Variants in CEP68 observed in about 807,000 individuals in gnomAD.
CEP68 encodes the protein centrosomal protein of 68 kDa.
Under a neutral mutation model 55.3 loss-of-function variants are expected in CEP68, and 26 were observed. That is an observed-to-expected ratio of 0.47 (90% CI 0.34 to 0.65). The LOEUF (loss-of-function observed/expected upper bound fraction) is 0.65. Ranked by LOEUF, CEP68 falls within the 30% of genes least tolerant of loss-of-function variation. CEP68 has a pLI of 0.01. For synonymous variants in CEP68, 402 were observed against 383.2 expected, an observed-to-expected ratio of 1.05 and a Z score of -0.57; for missense variants, 957 against 946.7, an observed-to-expected ratio of 1.01 and a Z score of -0.14.
chr2:65,078,035 AT>A, intron 5 of CEP68, 71 bp downstream of exon 5: 1 of 1,142,820 alleles, frequency 8.8e-7, no homozygotes, highest in Non-Finnish European at 1.3e-6. Flanking sequence ...GGACCGCACT[AT>A]CCCTGGTAAG....
rs182870119 is a variant in CEP68, at chr2:65,084,128, T to C, written c.*494T>C. 9 of 152,302 alleles carry C rather than the reference T, an allele frequency of 5.9e-5. No individual in the cohort carries two copies. The highest frequency in any genetic ancestry group is 5.2e-4 in the Admixed American group (8 of 15,294). 9.4% of individuals were successfully genotyped at this position (152,302 alleles called of 1,614,324 possible). On this transcript the variant is annotated 3_prime_UTR_variant, in exon 7 of 7. Transcript: ENST00000377990. ...GTCAATCCCTCTTTAAAGATATAGG[T>C]AGAAAGAAGAGATTTTTAACCCTTT... is the stretch of plus-strand genomic sequence containing the variant.
chr2:65,068,088 T>A (rs1026657585), intron 1 of CEP68, among the ~76,000 whole-genome samples: 3 of 152,188 alleles, frequency 2.0e-5, no homozygotes, highest in African/African-American at 7.2e-5. Flanking sequence ...ACAAGGCCAT[T>A]TCTGCCCACA....
Position 65,072,787 on chromosome 2 carries a change from G to A in CEP68, c.1691G>A (p.Arg564His), listed in dbSNP as rs371431891. The change falls in exon 3 of 7, where the codon CGT becomes CAT. Residue 564 changes from arginine (R) to histidine (H), a missense_variant. Coordinates refer to ENST00000377990, the MANE Select transcript of CEP68 (RefSeq NM_015147.3). ...QNPCFLRSFVRAHDSAGEGSL... is the reference protein window; with the variant it reads ...QNPCFLRSFVHAHDSAGEGSL... ...CCCTGTTTCCTGCGCTCCTTCGTCCGTGCCCACGACTCCGCAGGGGAAGGC... is the reference window on the plus strand; with the variant it reads ...CCCTGTTTCCTGCGCTCCTTCGTCCATGCCCACGACTCCGCAGGGGAAGGC... 43 of 1,614,002 alleles carry A rather than the reference G, an allele frequency of 2.7e-5. No homozygotes were observed. In the Admixed American group the frequency reaches 3.8e-4, roughly 14 times the overall value.
At chr2:65,065,097 C>T (rs936709737) in intron 1 of CEP68, among the ~76,000 whole-genome samples, 1 of 152,224 alleles carries the variant, frequency 6.6e-6, no homozygotes. Flanking sequence ...TTCGTTTCCC[C>T]ATCTGTGACG....
At chr2:65,067,073 A>G (rs1459987724) in intron 1 of CEP68, among the ~76,000 whole-genome samples, 1 of 151,632 alleles carries the variant, frequency 6.6e-6, no homozygotes, top group Non-Finnish European at 1.5e-5. Context: ...TGCTACTTTT[A>G]TGTAAAAAAA....
intron 1 of CEP68, among the ~76,000 whole-genome samples, chr2:65,064,620 G>A (rs1171591113): frequency 6.6e-6 from 1 of 151,754 alleles, no homozygotes; most frequent in Non-Finnish European, 1.5e-5. Context: ...TGTAGTCCCA[G>A]CTACTCGGGA....
rs747138606 is a variant in CEP68 at position 65,072,535 on chromosome 2, A to G, written c.1439A>G (p.Asp480Gly). ...TCAGAAGAGGAAGTGGAAAGTGATG[A>G]CGAGTATCTTGCCCTCCCCGCTCGG... is the stretch of plus-strand genomic sequence containing the variant. ...WKSEEEVESD[D>G]EYLALPARLT... Residue 480 changes from aspartate (D) to glycine (G), a missense_variant, in exon 3 of 7, where the codon GAC (aspartate) becomes GGC (glycine). Transcript: ENST00000377990. The G allele has an allele frequency of 1.9e-6, 3 of 1,613,888 alleles. No individual in the cohort carries two copies. The East Asian group carries it at 6.7e-5, about 36-fold the overall frequency.
At chr2:65,062,196 G>A (rs1675942368) in intron 1 of CEP68, among the ~76,000 whole-genome samples, 1 of 152,174 alleles carries the variant, frequency 6.6e-6, no homozygotes, top group Non-Finnish European at 1.5e-5. Flanking sequence ...AGCTCCCTGG[G>A]CAAAGTTGGT....
chr2:65,074,754 A>T (rs1359286902), intron 4 of CEP68: 4 of 286,288 alleles, frequency 1.4e-5, no homozygotes, highest in African/African-American at 9.0e-5. Flanking sequence ...AGCCTGAGCA[A>T]CATAGCAAGA....
chr2:65,080,883 A>T (rs1676979115), intron 5 of CEP68, among the ~76,000 whole-genome samples: 1 of 152,104 alleles, frequency 6.6e-6, no homozygotes, highest in Admixed American at 6.5e-5. Context: ...TTTCTGTGAC[A>T]TCGCACAAGA....
At chr2:65,071,291 G>A (rs1676445481) in intron 2 of CEP68, 163 bp from the exon 3 acceptor site, 1 of 613,312 alleles carries the variant, frequency 1.6e-6, no homozygotes, top group East Asian at 2.7e-5. Context: ...GCTGCTGCTG[G>A]CAGTGCATAT....
At position 65,082,700 on chromosome 2, in the gene CEP68, G is replaced by T. The variant is rs373667566; in HGVS notation, c.2269G>T (p.Val757Phe). 1.9e-6 allele frequency: 3 copies of T among 1,567,520 alleles called. No homozygotes were observed. The highest frequency in any genetic ancestry group is 2.8e-5 in the African/African-American group (2 of 71,996). ...GGCAATGGAGCACCCATGTGAAGGG[G>T]TTTAACCTGGTAAGTGGAGGAACTC... Reference protein sequence around the residue: ...MAAMEHPCEGV With the variant: ...MAAMEHPCEGF The change falls in exon 6 of 7, where the codon GTT (valine) becomes TTT (phenylalanine). Residue 757 changes from valine to phenylalanine, a missense_variant. Transcript: ENST00000377990.
At position 65,069,498 on chromosome 2, in the gene CEP68, C is replaced by T; in HGVS notation, c.54C>T (p.Ala18=). 1 of 1,554,318 alleles carries T rather than the reference C, an allele frequency of 6.4e-7. No homozygotes were observed. Among genetic ancestry groups the T allele is most frequent in the Non-Finnish European group, 8.7e-7 (1 of 1,149,622 alleles). The change falls in exon 2 of 7, where the codon GCC becomes GCT. Residue 18 remains alanine, a synonymous_variant. Transcript: ENST00000377990. ...CGGAAGCATCTGAAGACACAAAGGC[C>T]CAGTCCTATGGGAGAGGGAGCTGCA... The part of the protein sequence containing the change: ...AEAEASEDTK[A]QSYGRGSCRE...
intron 5 of CEP68, among the ~76,000 whole-genome samples, chr2:65,078,881 G>A (rs17029820): frequency 1.3e-5 from 2 of 152,152 alleles, no homozygotes; most frequent in Non-Finnish European, 2.9e-5. Flanking sequence ...CCCCATTTAG[G>A]AAAGTGAAAA....
At chr2:65,081,979 C>T (rs898219204) in intron 5 of CEP68, among the ~76,000 whole-genome samples, 23 of 152,344 alleles carry the variant, frequency 1.5e-4, no homozygotes, top group Middle Eastern at 6.8e-3. Flanking sequence ...GGATTACAGG[C>T]GTGAGCCACT....
At chr2:65,065,955 TA>T (rs59986437) in intron 1 of CEP68, among the ~76,000 whole-genome samples, 3,627 of 129,332 alleles carry the variant, frequency 0.028, 194 homozygotes, top group East Asian at 0.24. Flanking sequence ...GACTTCATCT[TA>T]AAAAAAAAAA....
rs542199079 is a variant in CEP68 at position 65,072,880 on chromosome 2, C to T, written c.1784C>T (p.Ala595Val). 3 of 1,614,186 alleles carry T rather than the reference C, an allele frequency of 1.9e-6. No homozygotes were observed. Among genetic ancestry groups the T allele is most frequent in the Admixed American group, 1.7e-5 (1 of 60,020 alleles). The change falls in exon 3 of 7, where the codon GCT becomes GTT. Residue 595 changes from alanine (A) to valine (V), a missense_variant. Coordinates refer to ENST00000377990, the MANE Select transcript of CEP68 (RefSeq NM_015147.3). ...GLLKTRPSLP[A>V]RLDRWPFSDP... is the part of the protein sequence containing the mutation. The stretch of plus-strand genomic sequence containing the variant: ...CTGAAAACACGCCCCTCCTTGCCAG[C>T]TAGGTTGGACCGGTGGCCATTCTCA...
chr2:65,083,455 G>A (rs886323856), intron 6 of CEP68, among the ~76,000 whole-genome samples, 184 bp from the exon 7 acceptor site: 5 of 152,246 alleles, frequency 3.3e-5, no homozygotes, highest in African/African-American at 1.2e-4. Context: ...AATGTTTGTA[G>A]TGCTTAACTC....
At chr2:65,077,001 T>TACC (rs1676796995) in intron 4 of CEP68, among the ~76,000 whole-genome samples, 1 of 44,808 alleles carries the variant, frequency 2.2e-5, no homozygotes, top group Non-Finnish European at 3.9e-5. Flanking sequence ...TTACCTTTTT[T>TACC]TTTTTTTTTT....
Sources: gnomAD v4.1 joint callset for allele counts (sites outside exome capture counted in the v4.1 genomes callset) on GRCh38, gnomAD v4.1.1 for gene constraint, MANE v1.5 for transcripts, NCBI Gene and HGNC (gene_info 2026-07-23, HGNC 2026-07-21) for gene names.